CSGALNACT1: variants seen among roughly 807,000 people sequenced by gnomAD.
The protein encoded by CSGALNACT1 is beta4GalNAcT-1.
A neutral mutation model predicts 51.0 loss-of-function variants in CSGALNACT1; 52 were observed. The observed-to-expected ratio is 1.02, with a 90% CI of 0.82 to 1.29. The LOEUF is 1.29. Ranked by LOEUF, CSGALNACT1 falls within the 50% of genes most tolerant of loss-of-function variation. CSGALNACT1 has a pLI of 0.00. For missense variants in CSGALNACT1, 935 were observed against 679.2 expected (o/e 1.38, Z -4.19); for synonymous variants, 341 against 254.4 (o/e 1.34, Z -3.24).
chr8:19,484,119 T>C (rs1377794010), intron 4 of CSGALNACT1, among the ~76,000 whole-genome samples: 1 of 152,154 alleles, frequency 6.6e-6, no homozygotes, highest in African/African-American at 2.4e-5. Context: ...TCAAATATTG[T>C]GGTATTACTG....
intron 1 of CSGALNACT1, among the ~76,000 whole-genome samples, chr8:19,658,623 A>G (rs1361042223): frequency 1.3e-5 from 2 of 152,102 alleles, no homozygotes; most frequent in Non-Finnish European, 2.9e-5. Context: ...AGTCCCAGCT[A>G]CTTGGGAGGC....
At chr8:19,439,665 C>T (rs867917988) in intron 6 of CSGALNACT1, among the ~76,000 whole-genome samples, 165 bp downstream of exon 5, 2 of 152,186 alleles carry the variant, frequency 1.3e-5, no homozygotes, top group South Asian at 2.1e-4. Context: ...TAGTCTCCTG[C>T]GGAAGAGGAG....
intron 4 of CSGALNACT1, among the ~76,000 whole-genome samples, chr8:19,488,386 T>C (rs535930395): frequency 9.4e-4 from 38 of 40,382 alleles, no homozygotes; most frequent in African/African-American, 2.5e-3. Flanking sequence ...TATATATATA[T>C]ATATATATAT....
intron 1 of CSGALNACT1, among the ~76,000 whole-genome samples, chr8:19,747,028 C>T (rs1247310237): frequency 6.6e-6 from 1 of 152,184 alleles, no homozygotes; most frequent in Non-Finnish European, 1.5e-5. Flanking sequence ...CTCCACAAGC[C>T]AAAGAAGCCC....
chr8:19,434,220 T>C (rs962240622), intron 6 of CSGALNACT1, among the ~76,000 whole-genome samples: 1 of 152,214 alleles, frequency 6.6e-6, no homozygotes, highest in Non-Finnish European at 1.5e-5. Context: ...CTCTGACTCT[T>C]CTTCTTTTAA....
chr8:19,584,293 G>A lies in CSGALNACT1; in HGVS notation c.-297+6867C>T, dbSNP rs56257954. 5.3e-3 allele frequency among the ~76,000 whole-genome samples: 808 copies of A among 152,236 alleles called. 4 individuals are homozygous for A. The highest frequency in any genetic ancestry group is 7.7e-3 in the Non-Finnish European group (524 of 68,008). On this transcript the variant is annotated intron_variant, in intron 3 of 9. Transcript: ENST00000454498. Reference sequence around the variant, plus strand: ...TCCTGTGGTCCCAGGCAATGTTATTGGTACTCTGTAATTAAGTTATGCAGC... The same window carrying A: ...TCCTGTGGTCCCAGGCAATGTTATTAGTACTCTGTAATTAAGTTATGCAGC...
chr8:19,540,847 T>A (rs2084930290), intron 3 of CSGALNACT1, among the ~76,000 whole-genome samples: 1 of 152,150 alleles, frequency 6.6e-6, no homozygotes. Flanking sequence ...TCCTTCAGTA[T>A]CAGCATGGAT....
intron 9 of CSGALNACT1, among the ~76,000 whole-genome samples, chr8:19,408,148 A>G (rs1585314289): frequency 6.6e-6 from 1 of 152,254 alleles, no homozygotes; most frequent in East Asian, 1.9e-4. Context: ...GAGGCACTGG[A>G]AGACTTGCTG....
chr8:19,652,513 A>G (rs1056981318), intron 1 of CSGALNACT1, among the ~76,000 whole-genome samples: 20 of 152,220 alleles, frequency 1.3e-4, no homozygotes, highest in African/African-American at 4.6e-4. Flanking sequence ...TACCTCTTCC[A>G]TAAGGTCACT....
At chr8:19,655,071 G>C (rs2058140111) in intron 1 of CSGALNACT1, among the ~76,000 whole-genome samples, 3 of 152,098 alleles carry the variant, frequency 2.0e-5, no homozygotes, top group Admixed American at 2.0e-4. Flanking sequence ...ATAAATGTTA[G>C]GGAAGTCATT....
intron 1 of CSGALNACT1, among the ~76,000 whole-genome samples, chr8:19,666,776 A>AAAG (rs1564382588): frequency 1.2e-4 from 1 of 8,312 alleles, no homozygotes; most frequent in Non-Finnish European, 2.3e-4. Flanking sequence ...AGAAAGAAAG[A>AAAG]AAGAAAGAAA....
At chr8:19,424,668 C>T (rs2058499443) in intron 6 of CSGALNACT1, among the ~76,000 whole-genome samples, 1 of 152,168 alleles carries the variant, frequency 6.6e-6, no homozygotes, top group South Asian at 2.1e-4. Context: ...TTATCAATGC[C>T]CCATATCCTC....
intron 1 of CSGALNACT1, among the ~76,000 whole-genome samples, chr8:19,653,436 C>A (rs1186278239): frequency 1.3e-5 from 2 of 152,106 alleles, no homozygotes; most frequent in African/African-American, 4.8e-5. Flanking sequence ...AGGGGCCTAC[C>A]CTGCACCCTC....
intron 3 of CSGALNACT1, among the ~76,000 whole-genome samples, chr8:19,517,697 C>A (rs2154026019): frequency 6.6e-6 from 1 of 152,224 alleles, no homozygotes; most frequent in African/African-American, 2.4e-5. Flanking sequence ...GAGAGCCAAG[C>A]CAAAGGGGTT....
At chr8:19,669,376 A>G (rs573109428) in intron 1 of CSGALNACT1, among the ~76,000 whole-genome samples, 1 of 152,368 alleles carries the variant, frequency 6.6e-6, no homozygotes, top group African/African-American at 2.4e-5. Flanking sequence ...TAAAAACTAC[A>G]AACATTCAAA....
intron 8 of CSGALNACT1, among the ~76,000 whole-genome samples, chr8:19,413,585 T>C (rs143022395): frequency 1.3e-5 from 2 of 152,216 alleles, no homozygotes; most frequent in South Asian, 2.1e-4. Context: ...CCATGCTCAT[T>C]TGGCAATTTA....
intron 1 of CSGALNACT1, among the ~76,000 whole-genome samples, chr8:19,716,375 A>G (rs1201747577): frequency 2.0e-5 from 3 of 152,058 alleles, no homozygotes; most frequent in Non-Finnish European, 4.4e-5. Context: ...TGTGTTGTCA[A>G]TCTTGGCTTT....
At chr8:19,743,131 G>T (rs1003370702) in intron 1 of CSGALNACT1, among the ~76,000 whole-genome samples, 1 of 152,190 alleles carries the variant, frequency 6.6e-6, no homozygotes, top group Non-Finnish European at 1.5e-5. Context: ...AAATGGAAAG[G>T]AACACTGTTG....
intron 3 of CSGALNACT1, among the ~76,000 whole-genome samples, chr8:19,524,395 G>C (rs1056209864): frequency 6.6e-6 from 1 of 152,096 alleles, no homozygotes; most frequent in African/African-American, 2.4e-5. Flanking sequence ...AAAAAATAGA[G>C]AACTCAAAAC....
Sources: allele counts gnomAD v4.1 joint callset (sites outside exome capture counted in the v4.1 genomes callset), GRCh38; gene constraint gnomAD v4.1.1; transcripts MANE v1.5; gene names NCBI Gene and HGNC (gene_info 2026-07-23, HGNC 2026-07-21).